CNTN4: variants seen among roughly 807,000 people sequenced by gnomAD.
CNTN4 encodes the protein contactin-4.
CNTN4 carries 77 observed loss-of-function variants against 122.5 expected under a neutral mutation model. That is an observed-to-expected ratio of 0.63 (90% CI 0.52 to 0.76). The LOEUF (loss-of-function observed/expected upper bound fraction) is 0.76. CNTN4 is among the 30% of genes least tolerant of loss of function. The probability of loss-of-function intolerance (pLI) is 0.00; values close to 1 mark genes in which losing one functional copy is unlikely to be tolerated. For synonymous variants in CNTN4, 512 were observed against 447.0 expected, an observed-to-expected ratio of 1.15 and a Z score of -1.83; for missense variants, 1,256 against 1,259.1, an observed-to-expected ratio of 1.00 and a Z score of 0.04.
chr3:2,875,529 C>T (rs1039345707), intron 8 of CNTN4, among the ~76,000 whole-genome samples: 1 of 152,178 alleles, frequency 6.6e-6, no homozygotes, highest in Non-Finnish European at 1.5e-5. Flanking sequence ...TATTGGCACA[C>T]AGCCACTCCC....
chr3:2,375,445 T>G (rs766356635), intron 3 of CNTN4, among the ~76,000 whole-genome samples: 2 of 152,186 alleles, frequency 1.3e-5, no homozygotes, highest in Admixed American at 6.5e-5. Flanking sequence ...GGCCCTATTT[T>G]CTAAGGGACT....
chr3:2,890,691 C>A (rs1029886247), intron 10 of CNTN4, among the ~76,000 whole-genome samples: 2 of 152,178 alleles, frequency 1.3e-5, no homozygotes, highest in Admixed American at 1.3e-4. Flanking sequence ...ATAATGGAAG[C>A]CCTATTGCCC....
chr3:2,782,548 G>GGTTATTTA (rs1298115678), intron 6 of CNTN4, among the ~76,000 whole-genome samples: 1 of 147,100 alleles, frequency 6.8e-6, no homozygotes, highest in African/African-American at 2.5e-5. Context: ...GTTTCTAAAT[G>GGTTATTTA]GTCCCACCTT....
chr3:2,233,151 C>T (rs995152137), intron 2 of CNTN4, among the ~76,000 whole-genome samples: 1 of 152,082 alleles, frequency 6.6e-6, no homozygotes, highest in African/African-American at 2.4e-5. Context: ...TGAGCTATGA[C>T]AGTTATTAAA....
chr3:2,405,172 C>A (rs2046988389), intron 3 of CNTN4, among the ~76,000 whole-genome samples: 1 of 152,086 alleles, frequency 6.6e-6, no homozygotes, highest in Non-Finnish European at 1.5e-5. Context: ...AGAGCAGGGG[C>A]AGGAATTGTT....
At chr3:2,502,097 A>G (rs560763236) in intron 3 of CNTN4, among the ~76,000 whole-genome samples, 12 of 152,272 alleles carry the variant, frequency 7.9e-5, no homozygotes, top group Non-Finnish European at 1.5e-4. Context: ...AAAATTTTTG[A>G]AATTTGAAAC....
intron 3 of CNTN4, among the ~76,000 whole-genome samples, chr3:2,383,188 C>CT (rs2150787950): frequency 6.6e-6 from 1 of 152,214 alleles, no homozygotes; most frequent in African/African-American, 2.4e-5. Context: ...ATTTCCCAGA[C>CT]TTATATGAGC....
intron 3 of CNTN4, among the ~76,000 whole-genome samples, chr3:2,353,901 A>AAAAAAC (rs2044754974): frequency 6.6e-6 from 1 of 151,414 alleles, no homozygotes; most frequent in Admixed American, 6.6e-5. Context: ...TCCGTCTCAA[A>AAAAAAC]AAAAACAAAA....
chr3:2,697,200 C>G (rs891071109), intron 4 of CNTN4, among the ~76,000 whole-genome samples: 23 of 152,312 alleles, frequency 1.5e-4, no homozygotes, highest in African/African-American at 5.3e-4. Context: ...GGAGATCATG[C>G]ATATGCTCCT....
chr3:2,710,235 C>A (rs370860187), intron 4 of CNTN4, among the ~76,000 whole-genome samples: 1 of 152,102 alleles, frequency 6.6e-6, no homozygotes, highest in Non-Finnish European at 1.5e-5. Flanking sequence ...CAGAAAACTC[C>A]AGATAATTTA....
chr3:2,591,498 G>A lies in CNTN4; in HGVS notation c.55+19940G>A, dbSNP rs1344949967. Among the ~76,000 whole-genome samples the A allele has an allele frequency of 2.3e-5, 2 of 86,060 alleles. 1 individual carries two copies. The highest frequency in any genetic ancestry group is 5.0e-5 in the Non-Finnish European group (2 of 39,810). The allele number at this position is 86,060 out of a possible 152,430, so 56.5% of individuals were successfully genotyped here. Reference sequence around the variant, plus strand: ...TCCGGCCTCAGCCTCCCAAGTAGCTGGGACTACAGGCGCCCGCCACTACGC... The same window carrying A: ...TCCGGCCTCAGCCTCCCAAGTAGCTAGGACTACAGGCGCCCGCCACTACGC... On this transcript the variant is annotated intron_variant, in intron 4 of 24. Coordinates refer to ENST00000418658, the MANE Select transcript of CNTN4 (RefSeq NM_175607.3).
intron 3 of CNTN4, among the ~76,000 whole-genome samples, chr3:2,488,645 T>A (rs994583999): frequency 1.3e-5 from 2 of 152,210 alleles, no homozygotes; most frequent in African/African-American, 4.8e-5. Context: ...TATTAAATCT[T>A]GTTTATATAA....
intron 4 of CNTN4, among the ~76,000 whole-genome samples, chr3:2,658,957 CACAA>C (rs760861440): frequency 0.11 from 13,291 of 123,728 alleles, 636 homozygotes; most frequent in Admixed American, 0.19. Context: ...CACCCACACA[CACAA>C]ACAGACACAC....
intron 2 of CNTN4, among the ~76,000 whole-genome samples, chr3:2,268,565 T>G (rs2041147244): frequency 1.3e-5 from 2 of 151,330 alleles, no homozygotes; most frequent in African/African-American, 4.9e-5. Context: ...TGTAAAACTA[T>G]AGTCTCAGTC....
chr3:2,787,518 G>C (rs922678569), intron 6 of CNTN4, among the ~76,000 whole-genome samples: 1 of 152,144 alleles, frequency 6.6e-6, no homozygotes, highest in Non-Finnish European at 1.5e-5. Flanking sequence ...GTGTTTATTT[G>C]GTCAGTGTCC....
intron 8 of CNTN4, among the ~76,000 whole-genome samples, chr3:2,876,991 A>G (rs1349154471): frequency 2.0e-5 from 3 of 152,088 alleles, no homozygotes; most frequent in Non-Finnish European, 2.9e-5. Context: ...GCAAATTCAT[A>G]GGCTGCATCT....
At chr3:2,942,122 T>C (rs1297935105) in intron 13 of CNTN4, among the ~76,000 whole-genome samples, 2 of 152,204 alleles carry the variant, frequency 1.3e-5, no homozygotes, top group African/African-American at 4.8e-5. Context: ...GCACTAGCCC[T>C]GGAATACAAC....
chr3:2,576,110 C>T (rs986355808), intron 4 of CNTN4, among the ~76,000 whole-genome samples: 1 of 152,176 alleles, frequency 6.6e-6, no homozygotes, highest in African/African-American at 2.4e-5. Flanking sequence ...GCTGGAATTA[C>T]AGGCGTGAGC....
chr3:2,236,200 C>T (rs909161692), intron 2 of CNTN4, among the ~76,000 whole-genome samples: 1 of 152,106 alleles, frequency 6.6e-6, no homozygotes, highest in Non-Finnish European at 1.5e-5. Flanking sequence ...AGTTTACATC[C>T]TCTAGGTCAT....
Sources: allele counts gnomAD v4.1 joint callset (sites outside exome capture counted in the v4.1 genomes callset), GRCh38; gene constraint gnomAD v4.1.1; transcripts MANE v1.5; gene names NCBI Gene and HGNC (gene_info 2026-07-23, HGNC 2026-07-21).